ATP6V0A4: variants seen among roughly 807,000 people sequenced by gnomAD.
The protein encoded by ATP6V0A4 is ATPase H+ transporting V0 subunit a4.
A neutral mutation model predicts 107.3 loss-of-function variants in ATP6V0A4; 86 were observed. The observed-to-expected ratio is 0.80, with a 90% confidence interval of 0.67 to 0.96. The LOEUF is 0.96. ATP6V0A4 is among the 40% of genes least tolerant of loss of function. The pLI is 0.00. For missense variants in ATP6V0A4, 908 were observed against 1,045.6 expected, an observed-to-expected ratio of 0.87 and a Z score of 1.81; for synonymous variants, 353 against 381.4, an observed-to-expected ratio of 0.93 and a Z score of 0.87.
chr7:138,770,670 G>A (rs1164078424), intron 3 of ATP6V0A4, among the ~76,000 whole-genome samples: 2 of 152,204 alleles, frequency 1.3e-5, no homozygotes, highest in Non-Finnish European at 2.9e-5. Context: ...ACTCAAGACT[G>A]TCTAACTCTA....
At chr7:138,707,332 T>G (rs1464312140) in intron 21 of ATP6V0A4, among the ~76,000 whole-genome samples, 28 of 68,556 alleles carry the variant, frequency 4.1e-4, no homozygotes, top group Admixed American at 8.2e-4. Flanking sequence ...ATATTTATAT[T>G]TATAATATAT....
intron 13 of ATP6V0A4, 55 bp downstream of exon 13, chr7:138,747,370 A>G: frequency 6.3e-7 from 1 of 1,578,606 alleles, no homozygotes; most frequent in Non-Finnish European, 8.7e-7. Context: ...AAAACCACAT[A>G]CAGATTTTCA....
At chr7:138,721,056 G>C (rs1410487508) in intron 19 of ATP6V0A4, among the ~76,000 whole-genome samples, 1 of 152,200 alleles carries the variant, frequency 6.6e-6, no homozygotes, top group Non-Finnish European at 1.5e-5. Context: ...TCCGGTTAAA[G>C]CCTCCAGCTT....
chr7:138,729,662 C>A (rs979337709), intron 17 of ATP6V0A4, among the ~76,000 whole-genome samples: 1 of 152,154 alleles, frequency 6.6e-6, no homozygotes, highest in Admixed American at 6.5e-5. Flanking sequence ...CTGCTATGGT[C>A]AAAAGAACCA....
chr7:138,720,080 C>A (rs746064614), intron 19 of ATP6V0A4, among the ~76,000 whole-genome samples: 1 of 151,790 alleles, frequency 6.6e-6, no homozygotes, highest in Non-Finnish European at 1.5e-5. Flanking sequence ...TTCTGTGAGT[C>A]ATTTTGGCCC....
chr7:138,785,876 C>A (rs909341599), intron 2 of ATP6V0A4, among the ~76,000 whole-genome samples: 2 of 152,212 alleles, frequency 1.3e-5, no homozygotes, highest in African/African-American at 4.8e-5. Context: ...CTGCCATGCA[C>A]ATTTCCACTT....
chr7:138,717,636 G>A (rs1804114438), intron 19 of ATP6V0A4, among the ~76,000 whole-genome samples: 2 of 151,188 alleles, frequency 1.3e-5, no homozygotes, highest in African/African-American at 4.9e-5. Context: ...GGCCGGGCAC[G>A]GTGGCTCATG....
chr7:138,767,082 C>G (rs1428262212), intron 5 of ATP6V0A4, among the ~76,000 whole-genome samples: 1 of 152,176 alleles, frequency 6.6e-6, no homozygotes, highest in Non-Finnish European at 1.5e-5. Flanking sequence ...TGCCATCCTT[C>G]TCATGAAAGT....
At chr7:138,791,401 G>A (rs1808405527) in intron 1 of ATP6V0A4, among the ~76,000 whole-genome samples, 1 of 152,112 alleles carries the variant, frequency 6.6e-6, no homozygotes, top group South Asian at 2.1e-4. Context: ...AGAGAGGAGA[G>A]AATGGTTCAC....
chr7:138,727,262 C>T (rs1368988444), intron 18 of ATP6V0A4, among the ~76,000 whole-genome samples: 1 of 151,974 alleles, frequency 6.6e-6, no homozygotes, highest in Non-Finnish European at 1.5e-5. Flanking sequence ...TGCACTCTGG[C>T]CTCAGAGACA....
At chr7:138,747,716 A>G (rs1806026106) in intron 12 of ATP6V0A4, 152 bp from the exon 13 acceptor site, 1 of 1,256,388 alleles carries the variant, frequency 8.0e-7, no homozygotes, top group Middle Eastern at 2.8e-4. Flanking sequence ...ACACATGCTT[A>G]GCTGCCACAT....
intron 2 of ATP6V0A4, among the ~76,000 whole-genome samples, chr7:138,782,395 T>C (rs7791537): frequency 0.77 from 117,803 of 152,160 alleles, 45,856 homozygotes; most frequent in African/African-American, 0.86. Flanking sequence ...CTCATCTTAA[T>C]TAATTATCTC....
At chr7:138,719,894 G>A (rs1804346216) in intron 19 of ATP6V0A4, among the ~76,000 whole-genome samples, 4 of 152,008 alleles carry the variant, frequency 2.6e-5, no homozygotes, top group Admixed American at 2.6e-4. Flanking sequence ...GCATGGTGGT[G>A]GGTGCCTGTA....
At chr7:138,771,908 A>T (rs1185797429) in intron 2 of ATP6V0A4, among the ~76,000 whole-genome samples, 1 of 151,564 alleles carries the variant, frequency 6.6e-6, no homozygotes, top group Non-Finnish European at 1.5e-5. Flanking sequence ...GGCATGAGCC[A>T]CTGCTCTCAG....
intron 18 of ATP6V0A4, among the ~76,000 whole-genome samples, chr7:138,725,226 T>A (rs139008359): frequency 2.0e-5 from 3 of 152,314 alleles, no homozygotes; most frequent in Non-Finnish European, 4.4e-5. Flanking sequence ...ATCCCACCAC[T>A]GCACTCCAAT....
At chr7:138,795,809 T>C (rs1465869688) in intron 1 of ATP6V0A4, among the ~76,000 whole-genome samples, 1 of 124,594 alleles carries the variant, frequency 8.0e-6, no homozygotes, top group Non-Finnish European at 1.8e-5. Context: ...CCCAAGTAAT[T>C]TTTTTGTGTT....
intron 20 of ATP6V0A4, among the ~76,000 whole-genome samples, chr7:138,712,803 A>T (rs1803812700): frequency 6.6e-6 from 1 of 151,910 alleles, no homozygotes; most frequent in Non-Finnish European, 1.5e-5. Context: ...GGCCAAGAAT[A>T]CCAAAACTCC....
At chr7:138,745,959 A>T (rs1584920325) in intron 13 of ATP6V0A4, among the ~76,000 whole-genome samples, 1 of 60,418 alleles carries the variant, frequency 1.7e-5, no homozygotes, top group Admixed American at 2.4e-4. Context: ...AAAAAAAAAA[A>T]AAAATATATA....
At chr7:138,747,710 A>G (rs1309191948) in intron 12 of ATP6V0A4, 146 bp from the exon 13 acceptor site, 15 of 1,290,782 alleles carry the variant, frequency 1.2e-5, no homozygotes, top group Non-Finnish European at 1.6e-5. Context: ...ACCCTGACAC[A>G]TGCTTAGCTG....
Sources: gnomAD v4.1 joint callset for allele counts (sites outside exome capture counted in the v4.1 genomes callset) on GRCh38, gnomAD v4.1.1 for gene constraint, MANE v1.5 for transcripts, NCBI Gene and HGNC (gene_info 2026-07-23, HGNC 2026-07-21) for gene names.